Variants in PLXDC2 observed in about 807,000 individuals in gnomAD.
The protein encoded by PLXDC2 is plexin domain-containing protein 2.
Under a neutral mutation model 68.9 loss-of-function variants are expected in PLXDC2, and 40 were observed. The observed-to-expected ratio is 0.58, with a 90% confidence interval of 0.45 to 0.76. The LOEUF (loss-of-function observed/expected upper bound fraction) is 0.76, where lower values mean the gene tolerates loss of function less well. PLXDC2 is among the 30% of genes least tolerant of loss of function. PLXDC2 has a pLI of 0.00. For synonymous variants in PLXDC2, 243 were observed against 234.2 expected (o/e 1.04, Z -0.34); for missense variants, 644 against 661.9 (o/e 0.97, Z 0.30).
intron 13 of PLXDC2, among the ~76,000 whole-genome samples, chr10:20,271,351 T>C (rs1243557328): frequency 6.6e-6 from 1 of 152,028 alleles, no homozygotes; most frequent in African/African-American, 2.4e-5. Context: ...GGGTGAAAAA[T>C]GGTTTTGTAC....
chr10:20,042,967 G>C (rs896220184), intron 2 of PLXDC2, among the ~76,000 whole-genome samples: 10 of 152,062 alleles, frequency 6.6e-5, no homozygotes, highest in African/African-American at 2.4e-4. Context: ...GTAGTGCTTT[G>C]TTTTATTTTC....
chr10:20,096,302 A>G (rs1352718277), intron 4 of PLXDC2, among the ~76,000 whole-genome samples: 2 of 152,170 alleles, frequency 1.3e-5, no homozygotes, highest in East Asian at 3.8e-4. Flanking sequence ...GGCTAGAGAA[A>G]CTAATTGTGG....
chr10:19,846,273 A>T (rs2131322178), intron 1 of PLXDC2, among the ~76,000 whole-genome samples: 1 of 152,298 alleles, frequency 6.6e-6, no homozygotes, highest in East Asian at 1.9e-4. Flanking sequence ...AGGATAAAAT[A>T]AAATAAAAGG....
At chr10:19,886,524 C>T (rs924104110) in intron 1 of PLXDC2, among the ~76,000 whole-genome samples, 1 of 152,090 alleles carries the variant, frequency 6.6e-6, no homozygotes. Flanking sequence ...AAGACAAAAA[C>T]CACATGATTT....
chr10:20,026,614 G>A (rs1250260597), intron 2 of PLXDC2, among the ~76,000 whole-genome samples: 3 of 152,012 alleles, frequency 2.0e-5, no homozygotes, highest in Non-Finnish European at 2.9e-5. Flanking sequence ...CTGAATCCGG[G>A]CTGCAGTGCA....
chr10:20,177,224 C>A, intron 8 of PLXDC2, 104 bp from the exon 9 acceptor site: 1 of 1,318,498 alleles, frequency 7.6e-7, no homozygotes, highest in Non-Finnish European at 1.1e-6. Flanking sequence ...GGGCATTTTG[C>A]TCCTGAGGAT....
At chr10:19,901,048 T>A (rs1463481222) in intron 1 of PLXDC2, among the ~76,000 whole-genome samples, 2 of 151,606 alleles carry the variant, frequency 1.3e-5, no homozygotes, top group East Asian at 3.9e-4. Flanking sequence ...CATATATATA[T>A]AAAACAATTT....
intron 1 of PLXDC2, among the ~76,000 whole-genome samples, chr10:19,822,433 A>G (rs1836486606): frequency 6.6e-6 from 1 of 152,042 alleles, no homozygotes; most frequent in Admixed American, 6.6e-5. Flanking sequence ...TTCAATTAAC[A>G]TGGGAGTGAA....
intron 2 of PLXDC2, among the ~76,000 whole-genome samples, chr10:20,009,453 G>T (rs1462081882): frequency 6.6e-6 from 1 of 151,998 alleles, no homozygotes; most frequent in African/African-American, 2.4e-5. Context: ...TCAGAAAATT[G>T]TGCAAAGGGA....
chr10:20,022,110 T>TCTCGG (rs1835321609), intron 2 of PLXDC2, among the ~76,000 whole-genome samples: 1 of 152,228 alleles, frequency 6.6e-6, no homozygotes, highest in African/African-American at 2.4e-5. Flanking sequence ...CCTCATTTAC[T>TCTCGG]CTCGGATTCT....
chr10:20,165,430 C>T (rs1834361577), intron 7 of PLXDC2, among the ~76,000 whole-genome samples: 1 of 151,524 alleles, frequency 6.6e-6, no homozygotes, highest in Non-Finnish European at 1.5e-5. Flanking sequence ...CCTCCCCTTT[C>T]CCCCCACCCC....
chr10:20,189,032 A>G (rs923040823), intron 9 of PLXDC2, among the ~76,000 whole-genome samples: 35 of 76,360 alleles, frequency 4.6e-4, no homozygotes, highest in South Asian at 9.3e-4. Context: ...ATTTTAATGA[A>G]GAATCTTCGC....
At chr10:19,885,669 T>A (rs1837830951) in intron 1 of PLXDC2, among the ~76,000 whole-genome samples, 1 of 151,316 alleles carries the variant, frequency 6.6e-6, no homozygotes, top group Non-Finnish European at 1.5e-5. Context: ...GTTGTAGATA[T>A]GCGGCGTTAT....
At position 20,114,350 on chromosome 10, in the gene PLXDC2, A is replaced by G. The variant is rs532973141; in HGVS notation, c.542-28945A>G. On this transcript the variant is annotated intron_variant, in intron 4 of 13. Transcript: ENST00000377252. ...TCTCTCTACTTTAGCCCTAATGCCC[A>G]GCACAATACTTTAAACATACTAAGC... Among the ~76,000 whole-genome samples, 4 of 152,348 alleles carry G rather than the reference A, an allele frequency of 2.6e-5. No individual in the cohort carries two copies. The South Asian group carries it at 8.3e-4, about 32-fold the overall frequency.
At chr10:20,242,650 A>G (rs185843478) in intron 12 of PLXDC2, among the ~76,000 whole-genome samples, 28 of 152,130 alleles carry the variant, frequency 1.8e-4, no homozygotes, top group African/African-American at 4.8e-4. Flanking sequence ...AATGTTTATG[A>G]TGGCAGATAC....
At chr10:19,872,973 G>T (rs987880146) in intron 1 of PLXDC2, among the ~76,000 whole-genome samples, 2 of 152,096 alleles carry the variant, frequency 1.3e-5, no homozygotes, top group African/African-American at 4.8e-5. Context: ...TGATTCAAAT[G>T]ATTACAAAAC....
At chr10:19,960,236 C>CA (rs1312034908) in intron 1 of PLXDC2, among the ~76,000 whole-genome samples, 1 of 149,580 alleles carries the variant, frequency 6.7e-6, no homozygotes, top group East Asian at 2.0e-4. Flanking sequence ...TGGTAGTGCA[C>CA]ACGTGTATTC....
intron 1 of PLXDC2, among the ~76,000 whole-genome samples, chr10:19,960,720 T>C (rs1003236324): frequency 4.6e-5 from 7 of 151,626 alleles, no homozygotes; most frequent in African/African-American, 1.5e-4. Flanking sequence ...GACCAAGGAA[T>C]TGTGGTGCCT....
At chr10:19,987,688 G>A (rs1269292532) in intron 1 of PLXDC2, among the ~76,000 whole-genome samples, 2 of 151,104 alleles carry the variant, frequency 1.3e-5, no homozygotes, top group East Asian at 2.0e-4. Flanking sequence ...CAGCCTCCCC[G>A]GTAGCTGGGA....
Sources: allele counts gnomAD v4.1 joint callset (sites outside exome capture counted in the v4.1 genomes callset), GRCh38; gene constraint gnomAD v4.1.1; transcripts MANE v1.5; gene names NCBI Gene and HGNC (gene_info 2026-07-23, HGNC 2026-07-21).